Variants in NUP88 observed in about 807,000 individuals in gnomAD.
NUP88 encodes the protein nuclear pore complex protein Nup88.
A neutral mutation model predicts 93.9 loss-of-function variants in NUP88; 57 were observed. The ratio of observed to expected loss-of-function variants is 0.61; its 90% CI spans 0.49 to 0.76. NUP88 has a LOEUF of 0.76. Among genes scored for constraint, NUP88 ranks in the 30% least tolerant of loss-of-function variants. NUP88 has a pLI of 0.00. For missense variants in NUP88, 911 were observed against 901.0 expected (o/e 1.01, Z -0.14); for synonymous variants, 346 against 336.8 (o/e 1.03, Z -0.30).
At chr17:5,402,555 TTAAA>T (rs1913236216) in intron 7 of NUP88, among the ~76,000 whole-genome samples, 1 of 152,236 alleles carries the variant, frequency 6.6e-6, no homozygotes, top group South Asian at 2.1e-4. Context: ...TTCTGCCCCC[TTAAA>T]TGTTTTGCCT....
chr17:5,403,679 A>ACAACCT (rs1311829484), intron 7 of NUP88, among the ~76,000 whole-genome samples: 1 of 151,710 alleles, frequency 6.6e-6, no homozygotes, highest in Admixed American at 6.6e-5. Context: ...AACAACAACA[A>ACAACCT]CAAAATCCAT....
In NUP88 at chr17:5,404,246, A is replaced by G. The variant is rs1913351124; in HGVS notation, c.1045T>C (p.Ser349Pro). Residue 349 changes from serine to proline, a missense_variant and splice_region_variant, in exon 7 of 17, where the codon TCA becomes CCA. Ser to Pro is a moderately conservative substitution (Grantham distance 74). Coordinates refer to ENST00000573584, the MANE Select transcript of NUP88 (RefSeq NM_002532.6). ...LEGEEEDDHT[S>P]EKSWDSRIDL... ...ATCCTGGAATCCCAGGACTTTTCTGACTGTAAAAAAAAGTGTTGTAATTTT... is the reference window on the plus strand; with the variant it reads ...ATCCTGGAATCCCAGGACTTTTCTGGCTGTAAAAAAAAGTGTTGTAATTTT... 1 of 1,610,820 alleles carries G rather than the reference A, an allele frequency of 6.2e-7. No individual in the cohort carries two copies. The highest frequency in any genetic ancestry group is 2.2e-5 in the East Asian group (1 of 44,858).
At position 5,386,769 on chromosome 17, in the gene NUP88, T is replaced by C. The variant is rs749868401; in HGVS notation, c.2101A>G (p.Lys701Glu). ...QKMEKVLSLPKPTIILSAYQR... is the reference protein window; with the variant it reads ...QKMEKVLSLPEPTIILSAYQR... ...TAGGCACTGAGAATAATGGTGGGTTTTGGAAGACTCAACACCTTCTCCATC... is the reference window on the plus strand; with the variant it reads ...TAGGCACTGAGAATAATGGTGGGTTCTGGAAGACTCAACACCTTCTCCATC... The change falls in exon 16 of 17, where the codon AAA (lysine) becomes GAA (glutamate). Residue 701 changes from lysine to glutamate, a missense_variant. Physicochemically the swap from Lys to Glu is moderately conservative, Grantham distance 56. Coordinates refer to ENST00000573584, the MANE Select transcript of NUP88 (RefSeq NM_002532.6). The C allele has an allele frequency of 3.7e-6, 6 of 1,614,020 alleles. No individual in the cohort carries two copies. Among genetic ancestry groups the C allele is most frequent in the Non-Finnish European group, 5.1e-6 (6 of 1,179,986 alleles).
At chr17:5,398,682 T>G (rs2151639244) in intron 8 of NUP88, among the ~76,000 whole-genome samples, 1 of 149,022 alleles carries the variant, frequency 6.7e-6, no homozygotes, top group East Asian at 2.0e-4. Context: ...CCTCCATCCC[T>G]GGTTCAAGCG....
intron 3 of NUP88, 57 bp downstream of exon 3, chr17:5,413,952 A>G: frequency 6.3e-7 from 1 of 1,591,804 alleles, no homozygotes; most frequent in Non-Finnish European, 8.6e-7. Flanking sequence ...GTTAATTGGC[A>G]AACAGAAACA....
At position 5,400,452 on chromosome 17, in the gene NUP88, C is replaced by T. The variant is rs544362377; in HGVS notation, c.1193-802G>A. On this transcript the variant is annotated intron_variant, in intron 7 of 16. Coordinates refer to ENST00000573584, the MANE Select transcript of NUP88 (RefSeq NM_002532.6). ...TGGAGGTTGCAGTGAGCCGAGATTG[C>T]GCCACTGCAATCCAGCGTGGGCGAG... Among the ~76,000 whole-genome samples, 14 of 149,166 alleles carry T rather than the reference C, an allele frequency of 9.4e-5. No homozygotes were observed. In the South Asian group the frequency reaches 1.7e-3, roughly 18 times the overall value.
At chr17:5,386,292 A>C (rs766404949) in intron 16 of NUP88, 23 bp from the exon 17 acceptor site, 2 of 1,561,032 alleles carry the variant, frequency 1.3e-6, no homozygotes, top group African/African-American at 2.7e-5. Context: ...AAAGTCACTC[A>C]CTTTTGGAAT....
At chr17:5,408,509 A>C (rs138035854) in intron 5 of NUP88, among the ~76,000 whole-genome samples, 1 of 152,258 alleles carries the variant, frequency 6.6e-6, no homozygotes, top group South Asian at 2.1e-4. Flanking sequence ...CAGGCCTATC[A>C]TAAGTGATTA....
rs766187477 is a variant in NUP88 at position 5,399,601 on chromosome 17, A to G, written c.1242T>C (p.His414=). The G allele has an allele frequency of 1.8e-5, 29 of 1,611,138 alleles. No individual in the cohort carries two copies. The highest frequency in any genetic ancestry group is 5.3e-5 in the African/African-American group (4 of 74,838). The change falls in exon 8 of 17, where the codon CAT becomes CAC. Residue 414 remains histidine, a synonymous_variant. Coordinates refer to ENST00000573584, the MANE Select transcript of NUP88 (RefSeq NM_002532.6). ...TATGAATCCAAGTTAGCCCAACACT[A>G]TGTACACCAGCTTCATGAGTACAGT... ...RYHCTHEAGV[H]SVGLTWIHKL... is the part of the protein sequence containing the mutation.
In NUP88 at chr17:5,405,149, G is replaced by A; in HGVS notation, c.952C>T (p.Pro318Ser). The A allele has an allele frequency of 6.2e-7, 1 of 1,614,166 alleles. No homozygotes were observed. The highest frequency in any genetic ancestry group is 8.5e-7 in the Non-Finnish European group (1 of 1,179,998). Reference sequence around the variant, plus strand: ...ATCACTAAGATATTGGGGACACAGGGTAAGCAGAGTACAGCACACGCATCA... The same window carrying A: ...ATCACTAAGATATTGGGGACACAGGATAAGCAGAGTACAGCACACGCATCA... ...GYDACAVLCL[P>S]CVPNILVIAT... Residue 318 changes from proline (P) to serine (S), a missense_variant, in exon 6 of 17, where the codon CCC becomes TCC. Pro to Ser is a moderately conservative substitution (Grantham distance 74). Coordinates refer to ENST00000573584, the MANE Select transcript of NUP88 (RefSeq NM_002532.6).
chr17:5,390,163 CAAA>C (rs34058484), intron 10 of NUP88, among the ~76,000 whole-genome samples: 2 of 89,100 alleles, frequency 2.2e-5, no homozygotes, highest in African/African-American at 4.8e-5. Context: ...AACTCCGTCT[CAAA>C]AAAAAAAAAA....
intron 2 of NUP88, among the ~76,000 whole-genome samples, chr17:5,415,780 G>A (rs28409881): frequency 0.44 from 66,406 of 151,928 alleles, 15,274 homozygotes; most frequent in East Asian, 0.84. Context: ...CCAATCGTAA[G>A]TTGAAAAGCA....
At chr17:5,390,406 A>C (rs1342351182) in intron 10 of NUP88, among the ~76,000 whole-genome samples, 1 of 152,158 alleles carries the variant, frequency 6.6e-6, no homozygotes, top group Non-Finnish European at 1.5e-5. Flanking sequence ...ATTTATTTTT[A>C]CATCCAGATA....
chr17:5,392,997 G>A (rs11656472), intron 9 of NUP88, among the ~76,000 whole-genome samples: 5 of 152,070 alleles, frequency 3.3e-5, no homozygotes, highest in East Asian at 1.9e-4. Context: ...CTGTTGCCCA[G>A]GCTGGAGTGC....
chr17:5,387,590 A>G lies in NUP88; in HGVS notation c.1835+15T>C, dbSNP rs200876744. Reference sequence around the variant, plus strand: ...CTTACTGACCTATTGTATTCTTCTTATTTTTGACACTTACCTCTCTTCTCG... The same window carrying G: ...CTTACTGACCTATTGTATTCTTCTTGTTTTTGACACTTACCTCTCTTCTCG... On this transcript the variant is annotated intron_variant, in intron 13 of 16. Coordinates refer to ENST00000573584, the MANE Select transcript of NUP88 (RefSeq NM_002532.6). 552 of 1,609,996 alleles carry G rather than the reference A, an allele frequency of 3.4e-4. 2 individuals are homozygous for G. The highest frequency in any genetic ancestry group is 2.2e-3 in the South Asian group (200 of 90,944).
At chr17:5,390,896 GT>G (rs1354096137) in intron 10 of NUP88, among the ~76,000 whole-genome samples, 1 of 152,012 alleles carries the variant, frequency 6.6e-6, no homozygotes, top group African/African-American at 2.4e-5. Flanking sequence ...GGGTCTCACT[GT>G]TTTGCCCAGG....
chr17:5,398,834 G>A (rs929683139), intron 8 of NUP88, among the ~76,000 whole-genome samples: 86 of 141,242 alleles, frequency 6.1e-4, no homozygotes, highest in Middle Eastern at 4.8e-3. Flanking sequence ...CTCATGATCC[G>A]CCCGCCTTGG....
At position 5,387,441 on chromosome 17, in the gene NUP88, G is replaced by A. The variant is rs557899492; in HGVS notation, c.1861C>T (p.Arg621Cys). ...ERKSLREMAE[R>C]LADKYEEAKE... ...GCTTCCTCATATTTGTCAGCTAAAC[G>A]CTCAGCCATTTCCCGCAGACTTTTC... Residue 621 changes from arginine (R) to cysteine (C), a missense_variant, in exon 14 of 17, where the codon CGT becomes TGT. By Grantham distance (180) the Arg-to-Cys change is radical. Coordinates refer to ENST00000573584, the MANE Select transcript of NUP88 (RefSeq NM_002532.6). The A allele has an allele frequency of 1.2e-5, 19 of 1,614,026 alleles. No individual in the cohort carries two copies. Among genetic ancestry groups the A allele is most frequent in the East Asian group, 4.5e-5 (2 of 44,878 alleles).
intron 5 of NUP88, 85 bp downstream of exon 5, chr17:5,408,648 A>T: frequency 9.7e-7 from 1 of 1,035,030 alleles, no homozygotes; most frequent in Non-Finnish European, 1.4e-6. Context: ...AGACTCAAAA[A>T]CATGGCTCCC....
Sources: allele counts gnomAD v4.1 joint callset (sites outside exome capture counted in the v4.1 genomes callset), GRCh38; gene constraint gnomAD v4.1.1; transcripts MANE v1.5; gene names NCBI Gene and HGNC (gene_info 2026-07-23, HGNC 2026-07-21).